Variants in PLEKHA5 observed in about 807,000 individuals in gnomAD.
PLEKHA5 encodes the protein pleckstrin homology domain containing A5.
In PLEKHA5, 55 loss-of-function variants were observed where a neutral mutation model predicts 181.9. The ratio of observed to expected loss-of-function variants is 0.30; its 90% CI spans 0.24 to 0.38. The LOEUF (loss-of-function observed/expected upper bound fraction) is 0.38. Among genes scored for constraint, PLEKHA5 ranks in the 10% least tolerant of loss-of-function variants. The pLI is 1.00. For missense variants in PLEKHA5, 1,432 were observed against 1,549.5 expected (o/e 0.92, Z 1.27); for synonymous variants, 535 against 529.4 (o/e 1.01, Z -0.15).
At chr12:19,344,990 T>C (rs941420021) in intron 22 of PLEKHA5, among the ~76,000 whole-genome samples, 1 of 149,678 alleles carries the variant, frequency 6.7e-6, no homozygotes, top group African/African-American at 2.5e-5. Context: ...GGTGTGGTGG[T>C]ACGCACCTGT....
intron 15 of PLEKHA5, among the ~76,000 whole-genome samples, chr12:19,294,725 T>G (rs944491690): frequency 6.6e-6 from 1 of 152,068 alleles, no homozygotes; most frequent in African/African-American, 2.4e-5. Context: ...ACTTCAGAGG[T>G]CAACTCATTT....
At chr12:19,285,186 A>C (rs1415807802) in intron 12 of PLEKHA5, among the ~76,000 whole-genome samples, 1 of 152,224 alleles carries the variant, frequency 6.6e-6, no homozygotes, top group African/African-American at 2.4e-5. Context: ...TTTTCCAAAG[A>C]CTAAATCATG....
intron 3 of PLEKHA5, among the ~76,000 whole-genome samples, chr12:19,235,556 A>G (rs1448448554): frequency 1.3e-5 from 2 of 152,282 alleles, no homozygotes; most frequent in Middle Eastern, 3.4e-3. Flanking sequence ...ATAATCAGAA[A>G]AATCTCATGA....
chr12:19,358,651 G>A (rs1051121101), intron 27 of PLEKHA5, among the ~76,000 whole-genome samples: 4 of 152,100 alleles, frequency 2.6e-5, no homozygotes, highest in African/African-American at 4.8e-5. Flanking sequence ...TTGGATGCCC[G>A]TGGACTAGTT....
chr12:19,308,123 G>A (rs1267255917), intron 15 of PLEKHA5, among the ~76,000 whole-genome samples: 1 of 152,096 alleles, frequency 6.6e-6, no homozygotes, highest in Non-Finnish European at 1.5e-5. Context: ...GAAAGCAATA[G>A]AAGCAGATTC....
intron 22 of PLEKHA5, among the ~76,000 whole-genome samples, chr12:19,344,938 G>A (rs1357079755): frequency 3.4e-5 from 5 of 145,142 alleles, no homozygotes; most frequent in South Asian, 2.2e-4. Flanking sequence ...ACAAAACCCC[G>A]GCTCTACTGA....
intron 3 of PLEKHA5, chr12:19,201,190 A>C (rs922794895): frequency 6.6e-6 from 1 of 152,112 alleles, no homozygotes; most frequent in Non-Finnish European, 1.5e-5. Flanking sequence ...AATGAGGGAA[A>C]AATTTAAATA....
intron 3 of PLEKHA5, among the ~76,000 whole-genome samples, chr12:19,231,506 A>G (rs2060536654): frequency 6.7e-6 from 1 of 150,226 alleles, no homozygotes; most frequent in Non-Finnish European, 1.5e-5. Flanking sequence ...TAGGTAAGGA[A>G]ACTACAACTA....
intron 3 of PLEKHA5, among the ~76,000 whole-genome samples, chr12:19,174,410 A>T (rs1227392241): frequency 6.6e-6 from 1 of 152,236 alleles, no homozygotes; most frequent in Non-Finnish European, 1.5e-5. Flanking sequence ...CATGGGTAGT[A>T]TCATGTTGCT....
intron 3 of PLEKHA5, chr12:19,201,352 G>T (rs2054136779): frequency 6.6e-6 from 1 of 152,072 alleles, no homozygotes; most frequent in Admixed American, 6.6e-5. Flanking sequence ...GTATTGCGGA[G>T]AATGTGGAGA....
At chr12:19,257,346 G>A (rs2067144656) in intron 5 of PLEKHA5, 87 bp from the exon 6 acceptor site, 2 of 650,788 alleles carry the variant, frequency 3.1e-6, no homozygotes, top group Non-Finnish European at 5.3e-6. Context: ...GGGAAAATCT[G>A]AAAAGAGATT....
At position 19,358,252 on chromosome 12, in the gene PLEKHA5, C is replaced by G. The variant is rs1258247962; in HGVS notation, c.3163C>G (p.Gln1055Glu). 1.9e-6 allele frequency: 3 copies of G among 1,613,604 alleles called. No individual in the cohort carries two copies. In the Admixed American group the frequency reaches 5.0e-5, roughly 27 times the overall value. ...RTERPRSAVE[Q>E]LCLAESTRPR... The stretch of plus-strand genomic sequence containing the variant: ...GGAAAGACCAAGAAGTGCAGTGGAA[C>G]AGCTCTGTTTGGCTGAAAGTACTCG... The change falls in exon 27 of 32, where the codon CAG (glutamine) becomes GAG (glutamate). Residue 1055 changes from glutamine (Q) to glutamate (E), a missense_variant. By Grantham distance (29) the Gln-to-Glu change is conservative (BLOSUM62 2). Transcript: ENST00000429027.
At chr12:19,166,974 A>G (rs956184590) in intron 3 of PLEKHA5, among the ~76,000 whole-genome samples, 2 of 152,236 alleles carry the variant, frequency 1.3e-5, no homozygotes, top group Non-Finnish European at 2.9e-5. Flanking sequence ...TAAAGAAGTC[A>G]CTAAACATAT....
intron 16 of PLEKHA5, among the ~76,000 whole-genome samples, chr12:19,316,430 G>T (rs373770753): frequency 1.4e-3 from 214 of 150,298 alleles, no homozygotes; most frequent in Middle Eastern, 3.5e-3. Context: ...GAAGGGCTGA[G>T]GGGGGGGAAA....
intron 26 of PLEKHA5, 64 bp downstream of exon 26, chr12:19,354,066 T>C (rs1004371910): frequency 1.4e-6 from 1 of 715,730 alleles, no homozygotes; most frequent in African/African-American, 1.8e-5. Flanking sequence ...TTCTTACATG[T>C]TTTCATTTTC....
intron 3 of PLEKHA5, among the ~76,000 whole-genome samples, chr12:19,144,818 C>T (rs953920827): frequency 2.6e-5 from 4 of 152,146 alleles, no homozygotes; most frequent in African/African-American, 9.7e-5. Context: ...TAATTTTTAT[C>T]ATAAAGTCAG....
At chr12:19,237,555 A>G (rs73347035) in intron 3 of PLEKHA5, among the ~76,000 whole-genome samples, 11,536 of 152,020 alleles carry the variant, frequency 0.076, 589 homozygotes, top group African/African-American at 0.14. Flanking sequence ...AGAAGCTGCT[A>G]TGTCTTTAAT....
rs147132361 is a variant in PLEKHA5, at chr12:19,145,191, T to A, written c.227+12741T>A. On this transcript the variant is annotated intron_variant, in intron 3 of 31. Transcript: ENST00000429027. ...TTTGTGTGAGGGGAGTGTGTGTGTG[T>A]GAGAGAGAGAGAGACAGAGATTTTA... Among the ~76,000 whole-genome samples, 464 of 151,720 alleles carry A rather than the reference T, an allele frequency of 3.1e-3. 3 individuals carry two copies. The highest frequency in any genetic ancestry group is 0.01 in the African/African-American group (431 of 41,412).
At chr12:19,348,654 A>T (rs2094447390) in intron 25 of PLEKHA5, 135 bp downstream of exon 25, 1 of 529,070 alleles carries the variant, frequency 1.9e-6, no homozygotes, top group Non-Finnish European at 3.1e-6. Flanking sequence ...TTGGACTCTG[A>T]TGAGTTTCTA....
Sources: gnomAD v4.1 joint callset for allele counts (sites outside exome capture counted in the v4.1 genomes callset) on GRCh38, gnomAD v4.1.1 for gene constraint, MANE v1.5 for transcripts, NCBI Gene and HGNC (gene_info 2026-07-23, HGNC 2026-07-21) for gene names.